Variants in ELOVL6 observed in about 807,000 individuals in gnomAD.
ELOVL6 encodes the protein very long chain fatty acid elongase 6.
In ELOVL6, 8 loss-of-function variants were observed where a neutral mutation model predicts 31.7. The ratio of observed to expected loss-of-function variants is 0.25; its 90% CI spans 0.15 to 0.45. The LOEUF (loss-of-function observed/expected upper bound fraction) is 0.45, where lower values mean the gene tolerates loss of function less well. Ranked by LOEUF, ELOVL6 falls within the 20% of genes least tolerant of loss-of-function variation. The probability of loss-of-function intolerance (pLI) is 1.00; values close to 1 mark genes in which losing one functional copy is unlikely to be tolerated. For missense variants in ELOVL6, 126 were observed against 326.4 expected, an observed-to-expected ratio of 0.39 and a Z score of 4.73; for synonymous variants, 101 against 117.7, an observed-to-expected ratio of 0.86 and a Z score of 0.92.
intron 2 of ELOVL6, among the ~76,000 whole-genome samples, chr4:110,085,678 A>G (rs1158914158): frequency 6.6e-6 from 1 of 152,196 alleles, no homozygotes; most frequent in East Asian, 1.9e-4. Flanking sequence ...TTACAGTAAA[A>G]CATGGAGATT....
intron 1 of ELOVL6, among the ~76,000 whole-genome samples, chr4:110,113,206 C>A (rs1425854467): frequency 7.2e-6 from 1 of 137,952 alleles, no homozygotes; most frequent in South Asian, 2.3e-4. Flanking sequence ...CCAGCCTGGG[C>A]GACAAAGCAA....
intron 1 of ELOVL6, among the ~76,000 whole-genome samples, chr4:110,118,873 C>A (rs1193085335): frequency 6.6e-6 from 1 of 152,102 alleles, no homozygotes; most frequent in Admixed American, 6.5e-5. Flanking sequence ...TTGAGACCAG[C>A]CTGGGCAACA....
At chr4:110,192,966 T>C (rs1759666963) in intron 1 of ELOVL6, among the ~76,000 whole-genome samples, 1 of 152,204 alleles carries the variant, frequency 6.6e-6, no homozygotes, top group African/African-American at 2.4e-5. Flanking sequence ...AATTTGTTGC[T>C]GCAATGTTAA....
chr4:110,165,372 TC>T (rs1438019117), intron 1 of ELOVL6, among the ~76,000 whole-genome samples: 1 of 152,156 alleles, frequency 6.6e-6, no homozygotes, highest in East Asian at 1.9e-4. Context: ...CTACTCCAAC[TC>T]CTTAGCCTGG....
intron 2 of ELOVL6, among the ~76,000 whole-genome samples, chr4:110,096,202 G>A (rs1243097880): frequency 6.6e-6 from 1 of 152,150 alleles, no homozygotes; most frequent in Non-Finnish European, 1.5e-5. Flanking sequence ...ATTTTTGAGA[G>A]TGAAGAAGGA....
At chr4:110,134,645 A>C (rs1757764666) in intron 1 of ELOVL6, among the ~76,000 whole-genome samples, 1 of 152,152 alleles carries the variant, frequency 6.6e-6, no homozygotes, top group Non-Finnish European at 1.5e-5. Context: ...GACATTTGGC[A>C]GATGTGTTTA....
chr4:110,053,123 A>G (rs1286282935), intron 3 of ELOVL6, among the ~76,000 whole-genome samples: 4 of 152,168 alleles, frequency 2.6e-5, no homozygotes, highest in Middle Eastern at 3.2e-3. Flanking sequence ...TTTTTAGTAG[A>G]GATGAGGTCT....
At chr4:110,146,404 G>C (rs1313274015) in intron 1 of ELOVL6, 2 of 152,202 alleles carry the variant, frequency 1.3e-5, no homozygotes, top group African/African-American at 4.8e-5. Flanking sequence ...GCTTAACCCA[G>C]AAAAAATCAT....
intron 1 of ELOVL6, among the ~76,000 whole-genome samples, chr4:110,165,468 TCTCAGCTACTGCTG>T (rs1758749437): frequency 6.6e-6 from 1 of 152,156 alleles, no homozygotes; most frequent in Non-Finnish European, 1.5e-5. Flanking sequence ...CTGATTCTCC[TCTCAGCTACTGCTG>T]CTCATCAAAT....
At chr4:110,108,856 C>G (rs951677932) in intron 1 of ELOVL6, among the ~76,000 whole-genome samples, 6 of 152,168 alleles carry the variant, frequency 3.9e-5, no homozygotes, top group African/African-American at 1.4e-4. Flanking sequence ...AATTCAAATC[C>G]TTGGGGTTAG....
At chr4:110,189,684 T>C (rs1330786861) in intron 1 of ELOVL6, among the ~76,000 whole-genome samples, 2 of 145,108 alleles carry the variant, frequency 1.4e-5, no homozygotes, top group Non-Finnish European at 1.5e-5. Flanking sequence ...AATAGGATTA[T>C]AGGGCTTGGC....
chr4:110,055,600 T>A (rs1271541786), intron 3 of ELOVL6, among the ~76,000 whole-genome samples: 1 of 152,036 alleles, frequency 6.6e-6, no homozygotes, highest in Non-Finnish European at 1.5e-5. Context: ...CATTTGGAAA[T>A]CCCCAGGGTG....
chr4:110,105,789 T>C (rs954864565), intron 1 of ELOVL6, among the ~76,000 whole-genome samples, 161 bp from the exon 2 acceptor site: 2 of 152,236 alleles, frequency 1.3e-5, no homozygotes, highest in African/African-American at 4.8e-5. Flanking sequence ...TAGTGTTCTG[T>C]TGAAATCTCC....
At chr4:110,084,313 C>G (rs1281533995) in intron 2 of ELOVL6, among the ~76,000 whole-genome samples, 1 of 52,156 alleles carries the variant, frequency 1.9e-5, no homozygotes, top group Admixed American at 2.0e-4. Context: ...TAACATATAA[C>G]ATATATAAAT....
At position 110,051,698 on chromosome 4, in the gene ELOVL6, G is replaced by C; in HGVS notation, c.438C>G (p.Ile146Met). The C allele has an allele frequency of 6.2e-7, 1 of 1,614,134 alleles. No individual in the cohort carries two copies. Among genetic ancestry groups the C allele is most frequent in the Non-Finnish European group, 8.5e-7 (1 of 1,179,984 alleles). ...AGTACCAAGAGTACAGGAGCACAGTGATGTGGTGATACCAGTGCAGGAAGA... is the reference window on the plus strand; with the variant it reads ...AGTACCAAGAGTACAGGAGCACAGTCATGTGGTGATACCAGTGCAGGAAGA... ...KLIFLHWYHH[I>M]TVLLYSWYSY... The change falls in exon 4 of 4, where the codon ATC becomes ATG. Residue 146 changes from isoleucine to methionine, a missense_variant. Physicochemically the swap from Ile to Met is conservative, Grantham distance 10 (BLOSUM62 1). Coordinates refer to ENST00000302274, the MANE Select transcript of ELOVL6 (RefSeq NM_024090.3). The surrounding 1 kb of genome is among the most constrained non-coding windows in gnomAD (Gnocchi z 4.8).
chr4:110,123,553 A>C (rs1055561635), intron 1 of ELOVL6, among the ~76,000 whole-genome samples: 1 of 152,182 alleles, frequency 6.6e-6, no homozygotes, highest in East Asian at 1.9e-4. Flanking sequence ...TGGAAAGAAA[A>C]AAAGCAAGTT....
At chr4:110,059,940 T>C (rs1755093451) in intron 2 of ELOVL6, 186 bp from the exon 3 acceptor site, 1 of 535,620 alleles carries the variant, frequency 1.9e-6, no homozygotes, top group African/African-American at 1.9e-5. Context: ...TCAAGGGCTT[T>C]ATTCTGAAAC....
At chr4:110,195,309 G>A (rs956747518) in intron 1 of ELOVL6, among the ~76,000 whole-genome samples, 5 of 151,928 alleles carry the variant, frequency 3.3e-5, no homozygotes, top group Non-Finnish European at 7.4e-5. Flanking sequence ...TAGTAGAGAT[G>A]GGGTTTCACC....
intron 1 of ELOVL6, among the ~76,000 whole-genome samples, chr4:110,161,763 A>T (rs1195886795): frequency 6.6e-6 from 1 of 152,354 alleles, no homozygotes; most frequent in East Asian, 1.9e-4. Flanking sequence ...TAAGGAATCA[A>T]CAATATATGT....
Sources: allele counts gnomAD v4.1 joint callset (sites outside exome capture counted in the v4.1 genomes callset), GRCh38; gene constraint gnomAD v4.1.1; non-coding constraint Gnocchi (gnomAD v3.1); transcripts MANE v1.5; gene names NCBI Gene and HGNC (gene_info 2026-07-23, HGNC 2026-07-21).